TMEM232: variants seen among roughly 807,000 people sequenced by gnomAD.
The protein encoded by TMEM232 is transmembrane protein 232.
TMEM232 carries 80 observed loss-of-function variants against 78.8 expected under a neutral mutation model. The observed-to-expected ratio is 1.01, with a 90% CI of 0.85 to 1.22. The LOEUF (loss-of-function observed/expected upper bound fraction) is 1.22. TMEM232 is among the 50% of genes most tolerant of loss of function. TMEM232 has a pLI of 0.00. For synonymous variants in TMEM232, 297 were observed against 254.3 expected, an observed-to-expected ratio of 1.17 and a Z score of -1.60; for missense variants, 881 against 742.2, an observed-to-expected ratio of 1.19 and a Z score of -2.17.
intron 10 of TMEM232, among the ~76,000 whole-genome samples, chr5:110,597,787 G>C: frequency 6.6e-6 from 1 of 151,982 alleles, no homozygotes; most frequent in Non-Finnish European, 1.5e-5. Flanking sequence ...TTAATAAATG[G>C]TGCTGGGAAA....
downstream of TMEM232, among the ~76,000 whole-genome samples, chr5:110,418,570 T>C (rs1756361517): frequency 6.6e-6 from 1 of 152,058 alleles, no homozygotes; most frequent in African/African-American, 2.4e-5. Flanking sequence ...TATATAAATA[T>C]TTTTTTAGCT....
intron 3 of TMEM232, among the ~76,000 whole-genome samples, chr5:110,394,751 C>A (rs1755323713): frequency 6.6e-6 from 1 of 152,154 alleles, no homozygotes; most frequent in South Asian, 2.1e-4. Flanking sequence ...TCCAAATCAT[C>A]TAGTGTTACC....
intron 1 of TMEM232, among the ~76,000 whole-genome samples, chr5:110,692,680 C>A (rs568840880): frequency 4.6e-5 from 7 of 152,344 alleles, no homozygotes; most frequent in Non-Finnish European, 8.8e-5. Context: ...GAGGGTCTTA[C>A]ACCCATGGAG....
intron 10 of TMEM232, 85 bp from the exon 11 acceptor site, chr5:110,568,710 T>A (rs1776605951): frequency 7.8e-7 from 1 of 1,278,780 alleles, no homozygotes. Flanking sequence ...TAAACCAATT[T>A]TACTATAATT....
chr5:110,451,360 G>T (rs927268623), intron 12 of TMEM232, among the ~76,000 whole-genome samples: 2 of 152,006 alleles, frequency 1.3e-5, no homozygotes, highest in East Asian at 3.9e-4. Context: ...CCTTTTAGAT[G>T]TTGCTGTTTT....
chr5:110,712,136 T>C (rs1041308414), intron 1 of TMEM232, among the ~76,000 whole-genome samples: 7 of 144,102 alleles, frequency 4.9e-5, no homozygotes, highest in Non-Finnish European at 9.1e-5. Context: ...AAAATCAAAC[T>C]CTGAAACTAC....
chr5:110,723,630 T>G (rs1216618755), intron 1 of TMEM232, among the ~76,000 whole-genome samples: 1 of 152,190 alleles, frequency 6.6e-6, no homozygotes, highest in Non-Finnish European at 1.5e-5. Context: ...TCATCTATAC[T>G]CCTAGGGACT....
chr5:110,418,302 A>G (rs1013660346), downstream of TMEM232: 3 of 152,152 alleles, frequency 2.0e-5, no homozygotes, highest in Non-Finnish European at 4.4e-5. Context: ...TTTATAAATG[A>G]GTAAATGGAA....
At chr5:110,569,205 T>A (rs1776660580) in intron 10 of TMEM232, among the ~76,000 whole-genome samples, 1 of 151,904 alleles carries the variant, frequency 6.6e-6, no homozygotes, top group African/African-American at 2.4e-5. Context: ...ATTTAAAAAC[T>A]CTAAGACACT....
intron 12 of TMEM232, among the ~76,000 whole-genome samples, chr5:110,453,428 A>C (rs2149340154): frequency 6.6e-6 from 1 of 152,028 alleles, no homozygotes; most frequent in South Asian, 2.1e-4. Context: ...CAGCCTCCTA[A>C]GTAGCTGGGA....
chr5:110,641,048 T>G, intron 3 of TMEM232, 52 bp from the exon 4 acceptor site: 1 of 1,146,500 alleles, frequency 8.7e-7, no homozygotes, highest in Non-Finnish European at 1.2e-6. Flanking sequence ...TATTTTTATA[T>G]ATATATTTAT....
rs182841711 is a variant in TMEM232, at chr5:110,709,841, C to T, written c.-13+16786G>A. 3.2e-4 allele frequency among the ~76,000 whole-genome samples: 49 copies of T among 151,736 alleles called. No individual in the cohort carries two copies. The East Asian group carries it at 8.3e-3, about 26-fold the overall frequency. On this transcript the variant is annotated intron_variant, in intron 1 of 13. Transcript: ENST00000455884. ...TCTTAAAGAACTAGAAAAGCAAGAG[C>T]CAATCAAACCCAAAATTAGTAGAAG...
intron 12 of TMEM232, among the ~76,000 whole-genome samples, chr5:110,526,582 CA>C (rs1561629406): frequency 1.3e-5 from 2 of 152,034 alleles, no homozygotes; most frequent in Middle Eastern, 3.4e-3. Context: ...TAAAGAAAAA[CA>C]GGCACTCATA....
chr5:110,412,467 T>C (rs535716481), intron 2 of TMEM232, among the ~76,000 whole-genome samples: 16 of 152,270 alleles, frequency 1.1e-4, no homozygotes, highest in African/African-American at 3.4e-4. Flanking sequence ...CTTTCTCGCT[T>C]GGGTTGAAGC....
chr5:110,532,245 C>A (rs1269473482), intron 11 of TMEM232, among the ~76,000 whole-genome samples: 2 of 151,958 alleles, frequency 1.3e-5, no homozygotes, highest in Non-Finnish European at 2.9e-5. Flanking sequence ...CTCCCAGAGC[C>A]CCTGGAACTC....
At chr5:110,423,304 T>G (rs1756872511) in intron 13 of TMEM232, among the ~76,000 whole-genome samples, 2 of 152,208 alleles carry the variant, frequency 1.3e-5, no homozygotes, top group African/African-American at 4.8e-5. Context: ...GTAACTGAAT[T>G]GTAAGCAAGT....
At chr5:110,426,504 T>G (rs1002831850) in intron 12 of TMEM232, among the ~76,000 whole-genome samples, 4 of 152,024 alleles carry the variant, frequency 2.6e-5, no homozygotes, top group Admixed American at 1.3e-4. Context: ...AACACTCTTG[T>G]GTTAGTGGAG....
intron 1 of TMEM232, among the ~76,000 whole-genome samples, chr5:110,719,372 C>G (rs896752934): frequency 6.6e-6 from 1 of 151,884 alleles, no homozygotes; most frequent in Non-Finnish European, 1.5e-5. Context: ...CTGTTCATAT[C>G]TTCCTTTACC....
intron 10 of TMEM232, among the ~76,000 whole-genome samples, chr5:110,574,912 C>T (rs1777398024): frequency 6.6e-6 from 1 of 151,938 alleles, no homozygotes. Context: ...AATTATCAAA[C>T]ATGAGTGATG....
Sources: allele counts gnomAD v4.1 joint callset (sites outside exome capture counted in the v4.1 genomes callset), GRCh38; gene constraint gnomAD v4.1.1; transcripts MANE v1.5; gene names NCBI Gene and HGNC (gene_info 2026-07-23, HGNC 2026-07-21).